Variants in SLC9A4 observed in about 807,000 individuals in gnomAD.
SLC9A4 encodes solute carrier family 9 member A4, also known as sodium/hydrogen exchanger 4.
Under a neutral mutation model 67.4 loss-of-function variants are expected in SLC9A4, and 63 were observed. The ratio of observed to expected loss-of-function variants is 0.93; its 90% CI spans 0.76 to 1.15. SLC9A4 has a LOEUF of 1.15. Among genes scored for constraint, SLC9A4 ranks in the 50% most tolerant of loss-of-function variants. The probability of loss-of-function intolerance (pLI) is 0.00; values close to 1 mark genes in which losing one functional copy is unlikely to be tolerated. For missense variants in SLC9A4, 1,089 were observed against 987.7 expected (o/e 1.10, Z -1.38); for synonymous variants, 393 against 367.2 (o/e 1.07, Z -0.80).
At chr2:102,531,480 G>A (rs567553974) in intron 11 of SLC9A4, among the ~76,000 whole-genome samples, 61 of 152,206 alleles carry the variant, frequency 4.0e-4, no homozygotes, top group African/African-American at 1.2e-3. Flanking sequence ...CCTCTTACAC[G>A]TGGATACACC....
At chr2:102,520,544 A>G (rs2104445514) in intron 9 of SLC9A4, among the ~76,000 whole-genome samples, 1 of 152,360 alleles carries the variant, frequency 6.6e-6, no homozygotes, top group South Asian at 2.1e-4. Flanking sequence ...ACTTAGTTAA[A>G]TAATATTCCA....
At chr2:102,513,475 G>C (rs1025603761) in intron 7 of SLC9A4, among the ~76,000 whole-genome samples, 8 of 152,230 alleles carry the variant, frequency 5.3e-5, no homozygotes, top group Non-Finnish European at 1.0e-4. Flanking sequence ...AGTCGAATGG[G>C]CTGGCCAGAG....
In SLC9A4 at chr2:102,509,060, T is replaced by C. The variant is rs1016641648; in HGVS notation, c.1488+127T>C. The C allele has an allele frequency of 1.0e-5, 8 of 787,190 alleles. No individual in the cohort carries two copies. In the African/African-American group the frequency reaches 1.1e-4, roughly 10 times the overall value. 48.8% of individuals were successfully genotyped at this position (787,190 alleles called of 1,614,324 possible). A position where few individuals can be genotyped will look rare whatever the true frequency, so the allele number is the denominator to read the frequency against. Reference sequence around the variant, plus strand: ...ACTCTGCCAAGAGTGACTGTATAAGTTTCCTATGGCTGCTGTAGGAAATTG... The same window carrying C: ...ACTCTGCCAAGAGTGACTGTATAAGCTTCCTATGGCTGCTGTAGGAAATTG... On this transcript the variant is annotated intron_variant, in intron 6 of 11. Transcript: ENST00000295269.
chr2:102,497,703 G>A (rs1224369600), intron 2 of SLC9A4, among the ~76,000 whole-genome samples: 1 of 152,328 alleles, frequency 6.6e-6, no homozygotes, highest in East Asian at 1.9e-4. Context: ...AATGAATGAG[G>A]AACCTTTCAG....
At chr2:102,522,301 C>T (rs553470082) in intron 9 of SLC9A4, among the ~76,000 whole-genome samples, 5 of 152,108 alleles carry the variant, frequency 3.3e-5, no homozygotes, top group Admixed American at 2.0e-4. Flanking sequence ...ATCTAGAATG[C>T]ACCGGGCATC....
rs1674804537 is a variant in SLC9A4 at position 102,532,684 on chromosome 2, A to C, written c.2393A>C (p.Lys798Thr). 6.2e-7 allele frequency: 1 copy of C among 1,611,400 alleles called. No homozygotes were observed. The highest frequency in any genetic ancestry group is 1.3e-5 in the African/African-American group (1 of 74,772). The change falls in exon 12 of 12, where the codon AAA (lysine) becomes ACA (threonine). Residue 798 changes from lysine (K) to threonine (T), a missense_variant. Physicochemically the swap from Lys to Thr is moderately conservative, Grantham distance 78. Coordinates refer to ENST00000295269, the MANE Select transcript of SLC9A4 (RefSeq NM_001011552.4). ...TCCCATAGTCCTTTGCTCCAAAAAA[A>C]ATAGTGTTATTGTCCACAAGATTGT... Reference protein sequence around the residue: ...HRSHSPLLQKK With the variant: ...HRSHSPLLQKT
intron 2 of SLC9A4, among the ~76,000 whole-genome samples, chr2:102,495,303 G>A (rs1488009807): frequency 3.9e-5 from 6 of 151,996 alleles, no homozygotes. Flanking sequence ...GAAATACTTC[G>A]AAGTGAATTT....
chr2:102,490,406 G>A (rs997894004), intron 2 of SLC9A4, among the ~76,000 whole-genome samples: 1 of 152,220 alleles, frequency 6.6e-6, no homozygotes, highest in Admixed American at 6.5e-5. Context: ...TCCTTGCCTT[G>A]CAGGCAGCTA....
chr2:102,489,013 C>A (rs1189559603), intron 2 of SLC9A4, among the ~76,000 whole-genome samples: 1 of 152,174 alleles, frequency 6.6e-6, no homozygotes, highest in African/African-American at 2.4e-5. Flanking sequence ...CCAGAGCAAT[C>A]TCCCTCTCAG....
chr2:102,489,193 C>T (rs1684649386), intron 2 of SLC9A4, among the ~76,000 whole-genome samples: 3 of 152,076 alleles, frequency 2.0e-5, no homozygotes, highest in Non-Finnish European at 2.9e-5. Flanking sequence ...AAGTCATTTG[C>T]TCCAAATTGA....
At chr2:102,517,851 T>G (rs934768269) in intron 8 of SLC9A4, among the ~76,000 whole-genome samples, 1 of 152,212 alleles carries the variant, frequency 6.6e-6, no homozygotes. Context: ...GTGATGAAGA[T>G]CTCCTTTATG....
At chr2:102,511,013 C>T in intron 6 of SLC9A4, among the ~76,000 whole-genome samples, 1 of 152,178 alleles carries the variant, frequency 6.6e-6, no homozygotes, top group Non-Finnish European at 1.5e-5. Context: ...ACACCCGAAG[C>T]TGAAGTGGAT....
At chr2:102,491,864 A>G (rs1054539231) in intron 2 of SLC9A4, among the ~76,000 whole-genome samples, 3 of 152,212 alleles carry the variant, frequency 2.0e-5, no homozygotes, top group African/African-American at 7.2e-5. Context: ...ACCCTGTAAA[A>G]TCAAAAGCAA....
In SLC9A4 at chr2:102,514,229, AC is replaced by A; in HGVS notation, c.1700del (p.Thr567LysfsTer26). 6.2e-7 allele frequency: 1 copy of A among 1,613,724 alleles called. No homozygotes were observed. Among genetic ancestry groups the A allele is most frequent in the South Asian group, 1.1e-5 (1 of 90,998 alleles). ...EMVETGILSS[T>X]AFSIPHQAQR... ...GGTGGAGACTGGGATACTGAGCTCTACAGCTTTCTCCATACCCCATCAGTGA... is the reference window on the plus strand; with the variant it reads ...GGTGGAGACTGGGATACTGAGCTCTAAGCTTTCTCCATACCCCATCAGTGA... On this transcript the variant is annotated frameshift_variant, in exon 8 of 12. Transcript: ENST00000295269. LOFTEE classifies it high-confidence loss of function.
intron 11 of SLC9A4, among the ~76,000 whole-genome samples, chr2:102,527,622 C>T (rs1674694629): frequency 6.6e-6 from 1 of 152,068 alleles, no homozygotes; most frequent in Non-Finnish European, 1.5e-5. Flanking sequence ...AGGTCAAATT[C>T]ATATAGATTT....
intron 2 of SLC9A4, among the ~76,000 whole-genome samples, chr2:102,500,701 G>A (rs183357410): frequency 6.6e-6 from 1 of 152,312 alleles, no homozygotes; most frequent in Admixed American, 6.5e-5. Flanking sequence ...AACAAAAAGT[G>A]TACAGTTACA....
chr2:102,494,419 A>G (rs1027046504), intron 2 of SLC9A4, among the ~76,000 whole-genome samples: 2 of 149,340 alleles, frequency 1.3e-5, no homozygotes, highest in Non-Finnish European at 2.9e-5. Flanking sequence ...GGAAGAGACA[A>G]TAAACCAGGA....
At chr2:102,485,733 C>T (rs918787621) in intron 2 of SLC9A4, among the ~76,000 whole-genome samples, 8 of 152,160 alleles carry the variant, frequency 5.3e-5, no homozygotes, top group Non-Finnish European at 1.0e-4. Context: ...CCATGTTGGC[C>T]CTGGGGCTGG....
Position 102,501,866 on chromosome 2 carries a change from C to T in SLC9A4, c.721-1582C>T, listed in dbSNP as rs953467720. 1.3e-4 allele frequency among the ~76,000 whole-genome samples: 19 copies of T among 151,626 alleles called. 1 individual carries two copies. The highest frequency in any genetic ancestry group is 6.3e-4 in the South Asian group (3 of 4,766). On this transcript the variant is annotated intron_variant, in intron 2 of 11. Transcript: ENST00000295269. ...ATTCCCATCTTGGAGAGATCAGAGT[C>T]AAGCAGAAGGCGTGGGTGAGCCTGG... is the stretch of plus-strand genomic sequence containing the variant.
Sources: gnomAD v4.1 joint callset for allele counts (sites outside exome capture counted in the v4.1 genomes callset) on GRCh38, gnomAD v4.1.1 for gene constraint, MANE v1.5 for transcripts, NCBI Gene and HGNC (gene_info 2026-07-23, HGNC 2026-07-21) for gene names.